Variants in SGMS1 observed in about 807,000 individuals in gnomAD.
SGMS1 encodes the protein phosphatidylcholine:ceramide cholinephosphotransferase 1.
SGMS1 carries 13 observed loss-of-function variants against 46.2 expected under a neutral mutation model. The observed-to-expected ratio is 0.28, with a 90% CI of 0.18 to 0.45. The LOEUF is 0.45. Among genes scored for constraint, SGMS1 ranks in the 20% least tolerant of loss-of-function variants. SGMS1 has a pLI of 1.00. For synonymous variants in SGMS1, 203 were observed against 187.8 expected (o/e 1.08, Z -0.66); for missense variants, 324 against 519.9 (o/e 0.62, Z 3.66).
chr10:50,324,776 T>C (rs2133308201), intron 8 of SGMS1, among the ~76,000 whole-genome samples: 1 of 152,328 alleles, frequency 6.6e-6, no homozygotes, highest in Admixed American at 6.5e-5. Flanking sequence ...ACAAGTCACT[T>C]GACACCACAA....
intron 2 of SGMS1, among the ~76,000 whole-genome samples, chr10:50,565,876 A>G (rs1014735830): frequency 6.6e-6 from 1 of 152,228 alleles, no homozygotes; most frequent in Non-Finnish European, 1.5e-5. Context: ...AGGACCTGGA[A>G]GCTGGAGCAA....
At chr10:50,542,657 A>ACG in intron 2 of SGMS1, among the ~76,000 whole-genome samples, 1 of 149,080 alleles carries the variant, frequency 6.7e-6, no homozygotes, top group Non-Finnish European at 1.5e-5. Context: ...GCACACACAC[A>ACG]CATATACAGA....
intron 1 of SGMS1, among the ~76,000 whole-genome samples, chr10:50,596,413 G>A (rs2131901260): frequency 6.6e-6 from 1 of 152,304 alleles, no homozygotes; most frequent in Non-Finnish European, 1.5e-5. Flanking sequence ...CCTGACCTCA[G>A]GTGATCTGCC....
At chr10:50,524,257 T>G (rs976446942) in intron 2 of SGMS1, among the ~76,000 whole-genome samples, 2 of 152,190 alleles carry the variant, frequency 1.3e-5, no homozygotes, top group Non-Finnish European at 1.5e-5. Context: ...CAAGTCTGCA[T>G]GTGTCCAGCA....
chr10:50,480,775 G>A (rs932531879), intron 3 of SGMS1, among the ~76,000 whole-genome samples: 1 of 152,156 alleles, frequency 6.6e-6, no homozygotes, highest in African/African-American at 2.4e-5. Context: ...TCCTGTCGGG[G>A]GGCGGGGGCA....
In SGMS1 at chr10:50,597,184, G is replaced by A. The variant is rs543440437; in HGVS notation, c.-683-6937C>T. On this transcript the variant is annotated intron_variant, in intron 1 of 10. Coordinates refer to ENST00000361781, the MANE Select transcript of SGMS1 (RefSeq NM_147156.4). ...CAATGAGCATAACACATATCGTAAT[G>A]GGCACAAGATGTATGAATGCCAAAC... is the stretch of plus-strand genomic sequence containing the variant. Among the ~76,000 whole-genome samples the A allele has an allele frequency of 2.0e-5, 3 of 152,252 alleles. No homozygotes were observed. The South Asian group carries it at 6.2e-4, about 32-fold the overall frequency.
At chr10:50,445,942 T>A (rs893924240) in intron 5 of SGMS1, among the ~76,000 whole-genome samples, 2 of 152,098 alleles carry the variant, frequency 1.3e-5, no homozygotes, top group Non-Finnish European at 2.9e-5. Context: ...GCCTCTGAAA[T>A]GGCTGCTTTG....
intron 8 of SGMS1, among the ~76,000 whole-genome samples, chr10:50,320,395 C>T (rs1368274538): frequency 1.3e-5 from 2 of 152,162 alleles, no homozygotes; most frequent in African/African-American, 4.8e-5. Flanking sequence ...TAAATAAAAA[C>T]ACAACATTTG....
At chr10:50,440,281 T>A (rs569170045) in intron 5 of SGMS1, among the ~76,000 whole-genome samples, 42 of 150,728 alleles carry the variant, frequency 2.8e-4, no homozygotes, top group African/African-American at 9.7e-4. Context: ...AAAAAATATA[T>A]ATATATATAT....
At chr10:50,624,908 G>C (rs1838906972), upstream of SGMS1, 3 of 1,006,770 alleles carry the variant, frequency 3.0e-6, no homozygotes, top group Non-Finnish European at 3.6e-6. Flanking sequence ...CGCGGCTACG[G>C]GCCCGGCGTA....
intron 3 of SGMS1, chr10:50,472,854 C>T (rs1020468656): frequency 6.6e-6 from 1 of 152,146 alleles, no homozygotes. Flanking sequence ...GACTACTACC[C>T]ATCCTCAGAA....
In SGMS1 at chr10:50,623,865, T is replaced by G. The variant is rs1588896471; in HGVS notation, c.-842A>C. On this transcript the variant is annotated 5_prime_UTR_variant, in exon 1 of 11. Transcript: ENST00000361781. ...AGAGCAGTCAGCCCAGGCCGGTCCT[T>G]CTCACTCCCGACCTGCCCGCCGCCT... 1 of 985,626 alleles carries G rather than the reference T, an allele frequency of 1.0e-6. No individual in the cohort carries two copies. Among genetic ancestry groups the G allele is most frequent in the South Asian group, 4.7e-5 (1 of 21,286 alleles). 61.1% of individuals were successfully genotyped at this position (985,626 alleles called of 1,614,324 possible).
At chr10:50,507,776 G>A (rs1017760798) in intron 3 of SGMS1, among the ~76,000 whole-genome samples, 6 of 152,146 alleles carry the variant, frequency 3.9e-5, no homozygotes, top group South Asian at 2.1e-4. Context: ...GCAATTACAC[G>A]CACTTAGTGA....
intron 6 of SGMS1, among the ~76,000 whole-genome samples, chr10:50,430,147 A>C (rs1294295080): frequency 1.3e-5 from 2 of 152,092 alleles, no homozygotes; most frequent in Non-Finnish European, 1.5e-5. Context: ...CACTCCTCCC[A>C]ACTCTGTTCA....
chr10:50,329,431 T>G (rs1353752403), intron 7 of SGMS1, among the ~76,000 whole-genome samples: 1 of 152,224 alleles, frequency 6.6e-6, no homozygotes, highest in African/African-American at 2.4e-5. Flanking sequence ...AGGTGACAAG[T>G]TAGAAGTGGT....
upstream of SGMS1, chr10:50,624,983 C>T (rs752542416): frequency 9.7e-6 from 10 of 1,036,088 alleles, no homozygotes; most frequent in South Asian, 1.3e-4. Context: ...CGCGGGCGCT[C>T]GGAACCGACC....
chr10:50,315,375 A>G (rs777839246), intron 8 of SGMS1, among the ~76,000 whole-genome samples: 1 of 151,808 alleles, frequency 6.6e-6, no homozygotes, highest in Non-Finnish European at 1.5e-5. Context: ...TCCTTTGGCC[A>G]GAAAGAGAGG....
chr10:50,385,663 A>C (rs1230868003), intron 6 of SGMS1, among the ~76,000 whole-genome samples: 4 of 152,230 alleles, frequency 2.6e-5, no homozygotes, highest in Admixed American at 1.3e-4. Context: ...ATTACAAAAA[A>C]AAAGGTGACT....
At chr10:50,532,356 C>T (rs529231567) in intron 2 of SGMS1, among the ~76,000 whole-genome samples, 1 of 151,806 alleles carries the variant, frequency 6.6e-6, no homozygotes, top group Non-Finnish European at 1.5e-5. Context: ...TCATCCAAGA[C>T]CCTGAACTAG....
Sources: gnomAD v4.1 joint callset for allele counts (sites outside exome capture counted in the v4.1 genomes callset) on GRCh38, gnomAD v4.1.1 for gene constraint, MANE v1.5 for transcripts, NCBI Gene and HGNC (gene_info 2026-07-23, HGNC 2026-07-21) for gene names.